The following SEMA3D variants were observed in gnomAD, a reference collection of about 807,000 sequenced individuals.
SEMA3D encodes the protein semaphorin-3D.
Under a neutral mutation model 100.1 loss-of-function variants are expected in SEMA3D, and 84 were observed. That is an observed-to-expected ratio of 0.84 (90% confidence interval 0.70 to 1.01). SEMA3D has a LOEUF of 1.01. Among genes scored for constraint, SEMA3D ranks in the 50% least tolerant of loss-of-function variants. The pLI is 0.00. For missense variants in SEMA3D, 875 were observed against 934.1 expected (o/e 0.94, Z 0.82); for synonymous variants, 312 against 320.7 (o/e 0.97, Z 0.29).
At chr7:85,110,076 GA>G (rs1562821942) in intron 3 of SEMA3D, among the ~76,000 whole-genome samples, 2 of 151,928 alleles carry the variant, frequency 1.3e-5, no homozygotes, top group African/African-American at 4.8e-5. Flanking sequence ...ACCCTGCTAG[GA>G]GAACATAGAT....
chr7:85,207,554 A>C, the SEMA3D span, among the ~76,000 whole-genome samples: 1 of 152,192 alleles, frequency 6.6e-6, no homozygotes, highest in South Asian at 2.1e-4. Flanking sequence ...TGTGGAACAA[A>C]AGGTGTATTA....
chr7:85,135,338 T>C (rs899518215), intron 2 of SEMA3D, among the ~76,000 whole-genome samples: 1 of 152,088 alleles, frequency 6.6e-6, no homozygotes, highest in Non-Finnish European at 1.5e-5. Context: ...TGGTTATGGT[T>C]TGCACATGAA....
At position 85,061,013 on chromosome 7, in the gene SEMA3D, A is replaced by G. The variant is rs1257131168; in HGVS notation, c.718+4411T>C. Among the ~76,000 whole-genome samples the G allele has an allele frequency of 2.0e-5, 3 of 152,168 alleles. 1 individual carries two copies. The highest frequency in any genetic ancestry group is 7.2e-5 in the African/African-American group (3 of 41,440). ...ATCCTAAAATTGTAACAAAAGCTCA[A>G]CTGCATTTGAGTAAACACCCTAGTT... On this transcript the variant is annotated intron_variant, in intron 8 of 18. Coordinates refer to ENST00000284136, the MANE Select transcript of SEMA3D (RefSeq NM_001384900.1).
At chr7:85,090,614 T>C (rs908898912) in intron 4 of SEMA3D, among the ~76,000 whole-genome samples, 1 of 152,178 alleles carries the variant, frequency 6.6e-6, no homozygotes, top group African/African-American at 2.4e-5. Flanking sequence ...TTCTTTTCTT[T>C]TCCCACTATG....
At chr7:85,237,612 A>G in the SEMA3D span, among the ~76,000 whole-genome samples, 5 of 152,196 alleles carry the variant, frequency 3.3e-5, no homozygotes, top group Non-Finnish European at 7.4e-5. Flanking sequence ...ATGGCTTGAT[A>G]GCTAATTTCT....
chr7:85,167,249 C>A (rs1280789919), intron 1 of SEMA3D: 3 of 983,858 alleles, frequency 3.0e-6, no homozygotes, highest in Non-Finnish European at 1.2e-6. Context: ...TGCAATGCCT[C>A]ATCTGGAGGT....
At position 85,048,301 on chromosome 7, in the gene SEMA3D, G is replaced by C. The variant is rs185086466; in HGVS notation, c.862-6016C>G. Among the ~76,000 whole-genome samples, 295 of 151,788 alleles carry C rather than the reference G, an allele frequency of 1.9e-3. 1 individual carries two copies. The highest frequency in any genetic ancestry group is 6.8e-3 in the African/African-American group (281 of 41,490). ...CTCAATCTTCAGTGGGTTATTTCTA[G>C]AAACAGATTTTAGAATCTTTCTTTG... is the stretch of plus-strand genomic sequence containing the variant. On this transcript the variant is annotated intron_variant, in intron 9 of 18. Coordinates refer to ENST00000284136, the MANE Select transcript of SEMA3D (RefSeq NM_001384900.1).
chr7:85,244,493 A>G, the SEMA3D span, among the ~76,000 whole-genome samples: 5 of 152,116 alleles, frequency 3.3e-5, no homozygotes, highest in African/African-American at 1.2e-4. Context: ...TTATATACTT[A>G]TCCTTATAAA....
the SEMA3D span, among the ~76,000 whole-genome samples, chr7:85,223,036 A>G: frequency 6.6e-6 from 1 of 152,178 alleles, no homozygotes; most frequent in Non-Finnish European, 1.5e-5. Flanking sequence ...CAAATGGCCA[A>G]CAAACATGAA....
At chr7:85,142,539 C>G (rs997180560) in intron 2 of SEMA3D, 8 of 983,786 alleles carry the variant, frequency 8.1e-6, no homozygotes, top group Non-Finnish European at 9.7e-6. Context: ...GGTATTTTCC[C>G]CAATTTGCAT....
chr7:85,133,000 G>T (rs1789768991), intron 2 of SEMA3D, among the ~76,000 whole-genome samples: 1 of 151,924 alleles, frequency 6.6e-6, no homozygotes, highest in Non-Finnish European at 1.5e-5. Flanking sequence ...AATATGTATA[G>T]AATGAGTTGG....
intron 3 of SEMA3D, among the ~76,000 whole-genome samples, chr7:85,111,122 A>G (rs1261543186): frequency 6.6e-6 from 1 of 151,958 alleles, no homozygotes; most frequent in Non-Finnish European, 1.5e-5. Flanking sequence ...TTTGCAGTTA[A>G]TTCTTCCTTT....
intron 5 of SEMA3D, among the ~76,000 whole-genome samples, chr7:85,081,032 T>A (rs1788043009): frequency 6.6e-6 from 1 of 152,208 alleles, no homozygotes; most frequent in African/African-American, 2.4e-5. Context: ...TAACTAATTC[T>A]TATTGTTCTT....
chr7:85,151,422 C>T lies in SEMA3D; in HGVS notation c.-41+2186G>A, dbSNP rs980182463. ...CAAATTAAAACAAAGCAAACAAAAA[C>T]AGTGTGATACTCTTAAAAAACAGTA... On this transcript the variant is annotated intron_variant, in intron 2 of 18. Coordinates refer to ENST00000284136, the MANE Select transcript of SEMA3D (RefSeq NM_001384900.1). 5.3e-5 allele frequency among the ~76,000 whole-genome samples: 8 copies of T among 151,902 alleles called. No homozygotes were observed. In the East Asian group the frequency reaches 1.4e-3, roughly 26 times the overall value.
chr7:85,047,979 T>C (rs1167222029), intron 9 of SEMA3D, among the ~76,000 whole-genome samples: 3 of 151,834 alleles, frequency 2.0e-5, no homozygotes, highest in Admixed American at 6.6e-5. Flanking sequence ...CACTTATGCT[T>C]ATAGATTTTA....
At chr7:85,123,422 C>T (rs1224626153) in intron 2 of SEMA3D, among the ~76,000 whole-genome samples, 1 of 151,752 alleles carries the variant, frequency 6.6e-6, no homozygotes, top group Non-Finnish European at 1.5e-5. Flanking sequence ...TATTTTATGC[C>T]TATATTGTTT....
At chr7:85,053,755 G>A (rs1386453181) in intron 9 of SEMA3D, among the ~76,000 whole-genome samples, 1 of 152,034 alleles carries the variant, frequency 6.6e-6, no homozygotes, top group Non-Finnish European at 1.5e-5. Flanking sequence ...CTGAAGATGT[G>A]CTCATTTAAA....
intron 1 of SEMA3D, among the ~76,000 whole-genome samples, chr7:85,183,073 A>G (rs1583997079): frequency 6.6e-6 from 1 of 152,310 alleles, no homozygotes; most frequent in Non-Finnish European, 1.5e-5. Context: ...AAGACATAAT[A>G]TTCATTAAAC....
chr7:85,119,104 A>G (rs1436744672), intron 3 of SEMA3D, among the ~76,000 whole-genome samples: 1 of 152,188 alleles, frequency 6.6e-6, no homozygotes, highest in Non-Finnish European at 1.5e-5. Flanking sequence ...TTATATAAAA[A>G]GTCAAAAATA....
Sources: allele counts gnomAD v4.1 joint callset (sites outside exome capture counted in the v4.1 genomes callset), GRCh38; gene constraint gnomAD v4.1.1; transcripts MANE v1.5; gene names NCBI Gene and HGNC (gene_info 2026-07-23, HGNC 2026-07-21).